The following AK5 variants were observed in gnomAD, a reference collection of about 807,000 sequenced individuals.
The protein encoded by AK5 is adenylate kinase isoenzyme 5.
Under a neutral mutation model 69.5 loss-of-function variants are expected in AK5, and 27 were observed. The observed-to-expected ratio is 0.39, with a 90% CI of 0.29 to 0.54. The LOEUF (loss-of-function observed/expected upper bound fraction) is 0.54. AK5 is among the 20% of genes least tolerant of loss of function. The pLI is 0.71. For synonymous variants in AK5, 260 were observed against 244.4 expected (o/e 1.06, Z -0.60); for missense variants, 531 against 700.4 (o/e 0.76, Z 2.73).
At chr1:77,296,502 A>ATTTT (rs56743140) in intron 3 of AK5, among the ~76,000 whole-genome samples, 2 of 152,070 alleles carry the variant, frequency 1.3e-5, no homozygotes, top group South Asian at 2.1e-4. Context: ...TTGACAAAAA[A>ATTTT]TTTTTTTTCT....
chr1:77,446,953 G>A (rs145036125), intron 8 of AK5, among the ~76,000 whole-genome samples: 7 of 152,310 alleles, frequency 4.6e-5, no homozygotes, highest in East Asian at 3.9e-4. Context: ...AGCTGGAGCC[G>A]GGAAGCTGGA....
chr1:77,376,916 T>C (rs1348653306), intron 6 of AK5, among the ~76,000 whole-genome samples: 1 of 152,212 alleles, frequency 6.6e-6, no homozygotes, highest in East Asian at 1.9e-4. Context: ...AGTGAAACTC[T>C]GTCTCAAAGA....
chr1:77,354,066 A>T (rs1370445034), intron 6 of AK5, among the ~76,000 whole-genome samples: 1 of 152,142 alleles, frequency 6.6e-6, no homozygotes, highest in Admixed American at 6.6e-5. Flanking sequence ...AGACATCTGA[A>T]ATTTCTAAGT....
chr1:77,525,998 G>T (rs1658259199), intron 12 of AK5, among the ~76,000 whole-genome samples: 1 of 152,112 alleles, frequency 6.6e-6, no homozygotes, highest in Admixed American at 6.5e-5. Flanking sequence ...TTAGGATTTT[G>T]ATAGGGATTA....
chr1:77,287,339 G>A (rs1658416505), intron 2 of AK5, among the ~76,000 whole-genome samples: 1 of 152,094 alleles, frequency 6.6e-6, no homozygotes, highest in Non-Finnish European at 1.5e-5. Context: ...TTCACTAGAG[G>A]CTTAATGAAA....
intron 10 of AK5, among the ~76,000 whole-genome samples, chr1:77,492,143 A>G (rs61778697): frequency 0.042 from 6,387 of 152,338 alleles, 186 homozygotes; most frequent in Middle Eastern, 0.085. Flanking sequence ...AGCAAAAACC[A>G]TAGGTGTGCT....
intron 13 of AK5, among the ~76,000 whole-genome samples, chr1:77,537,498 G>A (rs1659036577): frequency 6.6e-6 from 1 of 152,084 alleles, no homozygotes; most frequent in South Asian, 2.1e-4. Context: ...AAGAAGGTAA[G>A]GCTAGGAGAC....
intron 10 of AK5, 78 bp downstream of exon 10, chr1:77,486,430 TTA>T (rs1163966340): frequency 8.4e-5 from 91 of 1,085,538 alleles, no homozygotes; most frequent in Middle Eastern, 3.0e-4. Flanking sequence ...GTGCGGTGGC[TTA>T]CACCTGTAAT....
chr1:77,308,200 G>A (rs774146757), intron 5 of AK5, among the ~76,000 whole-genome samples: 1 of 152,036 alleles, frequency 6.6e-6, no homozygotes, highest in African/African-American at 2.4e-5. Context: ...ACCACAAGCC[G>A]CTTGCAGTGC....
chr1:77,391,462 T>C (rs546410046), intron 6 of AK5, among the ~76,000 whole-genome samples: 1 of 128,284 alleles, frequency 7.8e-6, no homozygotes, highest in African/African-American at 3.1e-5. Flanking sequence ...TGTATATATA[T>C]ATACACATAT....
chr1:77,458,905 A>C (rs997834991), intron 8 of AK5, among the ~76,000 whole-genome samples: 3 of 152,212 alleles, frequency 2.0e-5, no homozygotes, highest in Non-Finnish European at 4.4e-5. Flanking sequence ...AGTCATTCCT[A>C]GTAGACCTCC....
intron 1 of AK5, among the ~76,000 whole-genome samples, chr1:77,286,500 GCA>G (rs1158837245): frequency 6.6e-6 from 1 of 151,658 alleles, no homozygotes; most frequent in East Asian, 1.9e-4. Context: ...AAAGACAAAT[GCA>G]AAGGACAAAA....
intron 8 of AK5, among the ~76,000 whole-genome samples, chr1:77,436,232 AC>A (rs1337899467): frequency 6.6e-6 from 1 of 152,104 alleles, no homozygotes; most frequent in Non-Finnish European, 1.5e-5. Flanking sequence ...TCTAAATTAG[AC>A]AAATTTTTCT....
intron 6 of AK5, among the ~76,000 whole-genome samples, chr1:77,375,577 A>C (rs1366175600): frequency 6.6e-6 from 1 of 152,116 alleles, no homozygotes; most frequent in Non-Finnish European, 1.5e-5. Context: ...ATAGGTTACA[A>C]ATGTTTTGAT....
intron 7 of AK5, among the ~76,000 whole-genome samples, chr1:77,411,963 A>G (rs564040396): frequency 5.2e-4 from 79 of 152,334 alleles, no homozygotes; most frequent in African/African-American, 1.9e-3. Flanking sequence ...GCCTATTGCA[A>G]GAAAGATGAA....
At chr1:77,356,630 G>A (rs544153848) in intron 6 of AK5, among the ~76,000 whole-genome samples, 7 of 152,254 alleles carry the variant, frequency 4.6e-5, no homozygotes, top group African/African-American at 1.2e-4. Context: ...GTGAGAAAAG[G>A]TAATTAAAGA....
intron 2 of AK5, among the ~76,000 whole-genome samples, chr1:77,290,170 G>A (rs966599999): frequency 3.3e-5 from 5 of 152,040 alleles, no homozygotes; most frequent in Admixed American, 6.6e-5. Flanking sequence ...TGCATCACAC[G>A]GTCTTGTATC....
intron 1 of AK5, chr1:77,282,898 C>G (rs918080966): frequency 1.0e-6 from 1 of 986,044 alleles, no homozygotes; most frequent in African/African-American, 1.7e-5. Context: ...CAAAACCCAA[C>G]CTATCAAGTG....
intron 13 of AK5, among the ~76,000 whole-genome samples, chr1:77,542,753 T>C (rs1406967496): frequency 6.6e-6 from 1 of 152,252 alleles, no homozygotes; most frequent in African/African-American, 2.4e-5. Flanking sequence ...TAATCACCAA[T>C]GAACATTATG....
Sources: allele counts gnomAD v4.1 joint callset (sites outside exome capture counted in the v4.1 genomes callset), GRCh38; gene constraint gnomAD v4.1.1; transcripts MANE v1.5; gene names NCBI Gene and HGNC (gene_info 2026-07-23, HGNC 2026-07-21).